The following GAREM1 variants were observed in gnomAD, a reference collection of about 807,000 sequenced individuals.
The protein encoded by GAREM1 is GRB2 associated regulator of MAPK1 subtype 1.
Under a neutral mutation model 71.3 loss-of-function variants are expected in GAREM1, and 26 were observed. The observed-to-expected ratio is 0.36, with a 90% CI of 0.27 to 0.51. GAREM1 has a LOEUF of 0.51. GAREM1 is among the 20% of genes least tolerant of loss of function. GAREM1 has a pLI of 0.95. For missense variants in GAREM1, 1,026 were observed against 1,103.1 expected (o/e 0.93, Z 0.99); for synonymous variants, 440 against 433.2 (o/e 1.02, Z -0.20).
chr18:32,412,630 T>C, intron 1 of GAREM1: 4 of 1,422,000 alleles, frequency 2.8e-6, no homozygotes, highest in South Asian at 2.3e-5. Context: ...ATCTCTTGCT[T>C]TGACAGGGCT....
At chr18:32,338,698 T>C (rs1026662608) in intron 2 of GAREM1, among the ~76,000 whole-genome samples, 1 of 152,190 alleles carries the variant, frequency 6.6e-6, no homozygotes, top group African/African-American at 2.4e-5. Context: ...GAACCTCACA[T>C]GGAGGCCATC....
At chr18:32,273,545 A>G (rs1020219045) in intron 4 of GAREM1, among the ~76,000 whole-genome samples, 3 of 152,140 alleles carry the variant, frequency 2.0e-5, no homozygotes, top group Non-Finnish European at 2.9e-5. Context: ...TGGTGAGGAG[A>G]GGGCAGTAGT....
intron 2 of GAREM1, among the ~76,000 whole-genome samples, chr18:32,338,855 A>G (rs897894753): frequency 6.6e-6 from 1 of 152,196 alleles, no homozygotes; most frequent in South Asian, 2.1e-4. Context: ...GTGAAGTTCT[A>G]TTTTTGGACA....
intron 4 of GAREM1, among the ~76,000 whole-genome samples, chr18:32,283,559 C>CA (rs56663651): frequency 1.1e-4 from 17 of 151,108 alleles, no homozygotes; most frequent in Admixed American, 2.6e-4. Context: ...AAAAACAAAA[C>CA]AAAAAAAAGC....
rs531752073 is a variant in GAREM1, at chr18:32,329,343, T to C, written c.263-19020A>G. On this transcript the variant is annotated intron_variant, in intron 2 of 5. Transcript: ENST00000269209. ...GTGAGCTATGATTGTGCCACTGCAC[T>C]GTAGCTTGGGCAACGGAGCAAGAAC... is the stretch of plus-strand genomic sequence containing the variant. 4.0e-5 allele frequency among the ~76,000 whole-genome samples: 6 copies of C among 151,806 alleles called. No homozygotes were observed. The South Asian group carries it at 1.2e-3, about 32-fold the overall frequency.
Position 32,412,156 on chromosome 18 carries a change from C to T in GAREM1, c.122-19121G>A, listed in dbSNP as rs2048426218. The T allele has an allele frequency of 3.0e-6, 4 of 1,340,958 alleles. No homozygotes were observed. In the South Asian group the frequency reaches 4.7e-5, roughly 16 times the overall value. The allele number at this position is 1,340,958 out of a possible 1,614,324, so 83.1% of individuals were successfully genotyped here. ...GGCTGAGTTCACAAATCTGTTGTAACCTGTGGCTTCCCTGTCACTTCTCTG... is the reference window on the plus strand; with the variant it reads ...GGCTGAGTTCACAAATCTGTTGTAATCTGTGGCTTCCCTGTCACTTCTCTG... On this transcript the variant is annotated intron_variant, in intron 1 of 5. Transcript: ENST00000269209.
chr18:32,278,264 G>A (rs773262907), intron 4 of GAREM1, among the ~76,000 whole-genome samples: 1 of 152,194 alleles, frequency 6.6e-6, no homozygotes, highest in Non-Finnish European at 1.5e-5. Context: ...GACATCTGCT[G>A]ACAGGGCCAT....
intron 1 of GAREM1, among the ~76,000 whole-genome samples, chr18:32,435,473 T>C (rs1432483999): frequency 6.6e-6 from 1 of 152,180 alleles, no homozygotes; most frequent in Non-Finnish European, 1.5e-5. Context: ...AAAGTTTTAA[T>C]TTTAACATTA....
At chr18:32,269,770 A>G (rs535464905) in intron 5 of GAREM1, among the ~76,000 whole-genome samples, 112 of 152,304 alleles carry the variant, frequency 7.4e-4, no homozygotes, top group Non-Finnish European at 1.2e-3. Context: ...TGACCACTCA[A>G]CAGTGATGGT....
intron 1 of GAREM1, among the ~76,000 whole-genome samples, chr18:32,460,029 A>G (rs1185291335): frequency 6.6e-6 from 1 of 151,868 alleles, no homozygotes; most frequent in East Asian, 1.9e-4. Flanking sequence ...ACTTTTAGAT[A>G]TTTAAACTCT....
rs757814517 is a variant in GAREM1, at chr18:32,438,524, A to T, written c.121+31784T>A. ...CTAACTGCTGCTGAGGACAGGGGTT[A>T]GCGACAATGACAGCCTTCCTTTCTT... On this transcript the variant is annotated intron_variant, in intron 1 of 5. Transcript: ENST00000269209. 2.4e-4 allele frequency among the ~76,000 whole-genome samples: 37 copies of T among 152,250 alleles called. 1 individual carries two copies. The highest frequency in any genetic ancestry group is 5.1e-4 in the Non-Finnish European group (35 of 68,040).
At chr18:32,407,456 AAAAC>A (rs1179819167) in intron 1 of GAREM1, among the ~76,000 whole-genome samples, 1 of 152,172 alleles carries the variant, frequency 6.6e-6, no homozygotes, top group Non-Finnish European at 1.5e-5. Context: ...ACAAAAAACA[AAAAC>A]AAATAGATTC....
intron 1 of GAREM1, among the ~76,000 whole-genome samples, chr18:32,453,558 T>C (rs1168691229): frequency 6.6e-6 from 1 of 152,142 alleles, no homozygotes; most frequent in Non-Finnish European, 1.5e-5. Flanking sequence ...CCCCAATCTC[T>C]GCAACCATCG....
chr18:32,350,590 C>G (rs1300717330), intron 2 of GAREM1, among the ~76,000 whole-genome samples: 1 of 121,454 alleles, frequency 8.2e-6, no homozygotes, highest in African/African-American at 3.3e-5. Context: ...AGACTAAAAA[C>G]AAGACCCCTT....
intron 2 of GAREM1, among the ~76,000 whole-genome samples, chr18:32,355,102 A>G: frequency 6.6e-6 from 1 of 152,340 alleles, no homozygotes; most frequent in African/African-American, 2.4e-5. Context: ...AGAATTTGAA[A>G]GTAGGGTAGC....
Position 32,267,983 on chromosome 18 carries a change from C to T in GAREM1, c.2519G>A (p.Gly840Glu). The change falls in exon 6 of 6, where the codon GGG becomes GAG. Residue 840 changes from glycine (G) to glutamate (E), a missense_variant. Around this residue, in one of 3 missense-constraint regions of GAREM1, gnomAD observed 636 missense variants for 631.2 expected, o/e 1.01. Transcript: ENST00000269209. ...TTCCGTTAGCTGAACAAGCAGGTTC[C>T]CATCAATCTTTTCAGTAACAAAGAA... ...ISFFVTEKIDGNLLVQLTEEI... is the reference protein window; with the variant it reads ...ISFFVTEKIDENLLVQLTEEI... The T allele has an allele frequency of 6.2e-7, 1 of 1,613,778 alleles. No homozygotes were observed. The highest frequency in any genetic ancestry group is 8.5e-7 in the Non-Finnish European group (1 of 1,179,714).
chr18:32,428,772 T>C (rs2048597731), intron 1 of GAREM1, among the ~76,000 whole-genome samples: 1 of 152,216 alleles, frequency 6.6e-6, no homozygotes, highest in Admixed American at 6.5e-5. Context: ...CAACATTTAA[T>C]ACTAAATGCT....
rs1030353104 is a variant in GAREM1 at position 32,470,838 on chromosome 18, G to A, written c.-410C>T. Among the ~76,000 whole-genome samples, 7 of 150,456 alleles carry A rather than the reference G, an allele frequency of 4.7e-5. No homozygotes were observed. Among genetic ancestry groups the A allele is most frequent in the African/African-American group, 1.7e-4 (7 of 41,232 alleles). ...CTCCGCCTCGAGCGTGTGAGGAGGA[G>A]CCGCGGGTCTGAGAAACGCCATAGC... On this transcript the variant is annotated 5_prime_UTR_variant, in exon 1 of 6. Coordinates refer to ENST00000269209, the MANE Select transcript of GAREM1 (RefSeq NM_001242409.2). The surrounding 1 kb of genome is among the most constrained non-coding windows in gnomAD (Gnocchi z 4.4).
chr18:32,332,310 C>T (rs1357341650), intron 2 of GAREM1, among the ~76,000 whole-genome samples: 1 of 151,748 alleles, frequency 6.6e-6, no homozygotes, highest in East Asian at 1.9e-4. Context: ...GGTGTTCATT[C>T]GCTCAGTGGA....
Sources: gnomAD v4.1 joint callset for allele counts (sites outside exome capture counted in the v4.1 genomes callset) on GRCh38, gnomAD v4.1.1 for gene constraint, gnomAD v4.1.1 regional missense constraint, Gnocchi (gnomAD v3.1) non-coding constraint, MANE v1.5 for transcripts, NCBI Gene and HGNC (gene_info 2026-07-23, HGNC 2026-07-21) for gene names.